The following ZIC4 variants were observed in gnomAD, a reference collection of about 807,000 sequenced individuals.
The protein encoded by ZIC4 is Zic family zinc finger 4, also known as zinc finger protein ZIC 4.
In ZIC4, 15 loss-of-function variants were observed where a neutral mutation model predicts 28.8. The observed-to-expected ratio is 0.52, with a 90% CI of 0.35 to 0.80. The LOEUF (loss-of-function observed/expected upper bound fraction) is 0.80, where lower values mean the gene tolerates loss of function less well. ZIC4 is among the 30% of genes least tolerant of loss of function. The pLI is 0.01. For missense variants in ZIC4, 512 were observed against 467.1 expected (o/e 1.10, Z -0.89); for synonymous variants, 220 against 198.1 (o/e 1.11, Z -0.93).
intron 3 of ZIC4, chr3:147,392,847 G>C (rs1459004268): frequency 6.6e-6 from 1 of 152,212 alleles, no homozygotes; most frequent in Non-Finnish European, 1.5e-5. Flanking sequence ...CTAGTACACT[G>C]AACAGTCTGG....
At chr3:147,404,388 C>A in intron 1 of ZIC4, 1 of 933,084 alleles carries the variant, frequency 1.1e-6, no homozygotes, top group East Asian at 5.2e-5. Flanking sequence ...AGGAGGCTCT[C>A]TGTAGCGTTT....
At chr3:147,390,060 T>C (rs2086881523) in intron 4 of ZIC4, among the ~76,000 whole-genome samples, 1 of 152,174 alleles carries the variant, frequency 6.6e-6, no homozygotes, top group Non-Finnish European at 1.5e-5. Context: ...TATTTCTTGT[T>C]GTTTTGAATT....
chr3:147,391,204 C>G lies in ZIC4; in HGVS notation c.731G>C (p.Arg244Pro). The stretch of plus-strand genomic sequence containing the variant: ...CTTACGGTCGCTGCTGTTGGCGAAG[C>G]GCCGCTCGCAGCCCTCGAACTCGCA... ...FRCEFEGCER[R>P]FANSSDRKKH... The change falls in exon 4 of 5, where the codon CGC becomes CCC. Residue 244 changes from arginine to proline, a missense_variant. Arg to Pro is a moderately radical substitution (Grantham distance 103). This residue lies in a region of ZIC4 where 58 missense variants were observed against 93.8 expected (regional missense o/e 0.62). Transcript: ENST00000383075. The G allele has an allele frequency of 6.2e-7, 1 of 1,605,544 alleles. No individual in the cohort carries two copies. Among genetic ancestry groups the G allele is most frequent in the Non-Finnish European group, 8.5e-7 (1 of 1,173,502 alleles).
At chr3:147,392,114 C>CA in intron 3 of ZIC4, 1 of 985,692 alleles carries the variant, frequency 1.0e-6, no homozygotes, top group Non-Finnish European at 1.2e-6. Flanking sequence ...CTGCCCAGAC[C>CA]ACCCCCACCT....
At chr3:147,398,061 C>T (rs950645452) in intron 2 of ZIC4, among the ~76,000 whole-genome samples, 45 of 152,082 alleles carry the variant, frequency 3.0e-4, no homozygotes, top group Non-Finnish European at 6.0e-4. Flanking sequence ...GGGCTCGAAC[C>T]CGTGCCTTCC....
At chr3:147,404,628 T>C (rs1009854675) in intron 1 of ZIC4, among the ~76,000 whole-genome samples, 16 of 152,096 alleles carry the variant, frequency 1.1e-4, no homozygotes, top group African/African-American at 3.4e-4. Flanking sequence ...TAATTACCAG[T>C]CCATAGCACA....
rs1485667701 is a variant in ZIC4 at position 147,396,073 on chromosome 3, G to A, written c.467C>T (p.Thr156Met). Residue 156 changes from threonine (T) to methionine (M), a missense_variant, in exon 3 of 5, where the codon ACG becomes ATG. Transcript: ENST00000383075. This position sits in a 1 kb window ranked among gnomAD's most constrained non-coding sequence, Gnocchi z 4.2. ...KTFSTMHELV[T>M]HVTVEHVGGP... Reference sequence around the variant, plus strand: ...GCCGACGTGCTCCACGGTGACGTGCGTGACCAGCTCGTGCATGGTGCTGAA... The same window carrying A: ...GCCGACGTGCTCCACGGTGACGTGCATGACCAGCTCGTGCATGGTGCTGAA... 2.5e-6 allele frequency: 4 copies of A among 1,614,252 alleles called. No individual in the cohort carries two copies. Among genetic ancestry groups the A allele is most frequent in the Non-Finnish European group, 3.4e-6 (4 of 1,180,050 alleles).
intron 2 of ZIC4, among the ~76,000 whole-genome samples, chr3:147,400,203 G>A (rs1412131810): frequency 6.6e-6 from 1 of 152,114 alleles, no homozygotes; most frequent in African/African-American, 2.4e-5. Flanking sequence ...TCTCCTCCAA[G>A]TTTATGGGCC....
chr3:147,404,035 T>C (rs2087222738), intron 1 of ZIC4: 7 of 1,537,200 alleles, frequency 4.6e-6, no homozygotes, highest in Non-Finnish European at 6.1e-6. Context: ...GGTAATAAGC[T>C]CCTTCCAGCA....
intron 3 of ZIC4, chr3:147,391,998 G>T (rs374684018): frequency 8.1e-6 from 8 of 985,176 alleles, no homozygotes; most frequent in Non-Finnish European, 8.4e-6. Flanking sequence ...CTCCAGATAC[G>T]CTCGCCAGTA....
chr3:147,391,431 C>T (rs1479290341), intron 3 of ZIC4, 185 bp from the exon 4 acceptor site: 2 of 675,006 alleles, frequency 3.0e-6, no homozygotes, highest in Non-Finnish European at 4.8e-6. Context: ...CCGGTGCCCT[C>T]TCTTGAACGC....
chr3:147,400,963 C>T (rs1053715911), intron 2 of ZIC4, among the ~76,000 whole-genome samples: 1 of 152,192 alleles, frequency 6.6e-6, no homozygotes, highest in Admixed American at 6.5e-5. Context: ...ATTGTTAAGT[C>T]TACTTTTCTG....
In ZIC4 at chr3:147,396,423, G is replaced by T. The variant is rs373963441; in HGVS notation, c.117C>A (p.Ser39Arg). The T allele has an allele frequency of 1.3e-6, 2 of 1,522,116 alleles. No homozygotes were observed. 94.3% of individuals were successfully genotyped at this position (1,522,116 alleles called of 1,614,324 possible). Residue 39 changes from serine (S) to arginine (R), a missense_variant, in exon 3 of 5, where the codon AGC (serine) becomes AGA (arginine). Ser to Arg is a moderately radical substitution (Grantham distance 110, BLOSUM62 -1). Around this residue, in one of 3 missense-constraint regions of ZIC4, gnomAD observed 310 missense variants for 256.5 expected, o/e 1.21. Coordinates refer to ENST00000383075, the MANE Select transcript of ZIC4 (RefSeq NM_032153.6). The surrounding 1 kb of genome is among the most constrained non-coding windows in gnomAD (Gnocchi z 4.2). ...CGTGGAGGCCCGGGAACACCGAGGG[G>T]CTGGAGGCGGCGGTGAGCTGGGGGC... is the stretch of plus-strand genomic sequence containing the variant. ...HHGPQLTAAS[S>R]PSVFPGLHEE...
In ZIC4 at chr3:147,388,863, T is replaced by A. The variant is rs772212994; in HGVS notation, c.*-4A>T. The A allele has an allele frequency of 1.3e-6, 1 of 780,200 alleles. No homozygotes were observed. The highest frequency in any genetic ancestry group is 1.7e-5 in the African/African-American group (1 of 59,224). 48.3% of individuals were successfully genotyped at this position (780,200 alleles called of 1,614,324 possible). ...TTGCGAGCAACGCGGTGGACATCTGTAACAAGCAAATGAAAAATTAAAGGC... is the reference window on the plus strand; with the variant it reads ...TTGCGAGCAACGCGGTGGACATCTGAAACAAGCAAATGAAAAATTAAAGGC... On this transcript the variant is annotated splice_region_variant and splice_polypyrimidine_tract_variant and intron_variant, in intron 4 of 4. Coordinates refer to ENST00000383075, the MANE Select transcript of ZIC4 (RefSeq NM_032153.6).
intron 3 of ZIC4, among the ~76,000 whole-genome samples, chr3:147,394,467 T>TA (rs1345780678): frequency 8.9e-6 from 1 of 111,968 alleles, no homozygotes; most frequent in Non-Finnish European, 2.0e-5. Context: ...GTTTGTTTGT[T>TA]TAAAAAAAAA....
intron 3 of ZIC4, chr3:147,392,418 C>T: frequency 1.0e-6 from 1 of 985,486 alleles, no homozygotes; most frequent in Non-Finnish European, 1.2e-6. Flanking sequence ...AATCGGGGAG[C>T]TCACGGCCAG....
In ZIC4 at chr3:147,386,830, C is replaced by G. The variant is rs1175018555; in HGVS notation, c.*2029G>C. ...TTAATAAAATATCTCTCTCCTTCAGCTATTCTCCTTCTTATTAACGGCAGA... is the reference window on the plus strand; with the variant it reads ...TTAATAAAATATCTCTCTCCTTCAGGTATTCTCCTTCTTATTAACGGCAGA... On this transcript the variant is annotated 3_prime_UTR_variant, in exon 5 of 5. Coordinates refer to ENST00000383075, the MANE Select transcript of ZIC4 (RefSeq NM_032153.6). The G allele has an allele frequency of 1.3e-5, 2 of 152,242 alleles. No homozygotes were observed. The highest frequency in any genetic ancestry group is 4.8e-5 in the African/African-American group (2 of 41,460). The allele number at this position is 152,242 out of a possible 1,614,324, so 9.4% of individuals were successfully genotyped here.
At chr3:147,389,538 T>C (rs2086865509) in intron 4 of ZIC4, among the ~76,000 whole-genome samples, 1 of 152,026 alleles carries the variant, frequency 6.6e-6, no homozygotes, top group Admixed American at 6.6e-5. Flanking sequence ...CTTCTTCAAG[T>C]CTTAGCTAGG....
Position 147,396,578 on chromosome 3 carries a change from C to T in ZIC4, c.71-109G>A, listed in dbSNP as rs1308365658. On this transcript the variant is annotated intron_variant, in intron 2 of 4. Transcript: ENST00000383075. This position sits in a 1 kb window ranked among gnomAD's most constrained non-coding sequence, Gnocchi z 4.2. ...CCTGCCGCACTACGGCCTCTGCAGT[C>T]AGCCGTGGAACTCAGAGCCAGACAG... The T allele has an allele frequency of 3.9e-5, 53 of 1,366,788 alleles. No homozygotes were observed. Among genetic ancestry groups the T allele is most frequent in the Non-Finnish European group, 5.0e-5 (52 of 1,044,648 alleles). The allele number at this position is 1,366,788 out of a possible 1,614,324, so 84.7% of individuals were successfully genotyped here.
Sources: gnomAD v4.1 joint callset for allele counts (sites outside exome capture counted in the v4.1 genomes callset) on GRCh38, gnomAD v4.1.1 for gene constraint, gnomAD v4.1.1 regional missense constraint, Gnocchi (gnomAD v3.1) non-coding constraint, MANE v1.5 for transcripts, NCBI Gene and HGNC (gene_info 2026-07-23, HGNC 2026-07-21) for gene names.